The following PRPF40B variants were observed in gnomAD, a reference collection of about 807,000 sequenced individuals.
PRPF40B encodes pre-mRNA-processing factor 40 homolog B.
Under a neutral mutation model 124.5 loss-of-function variants are expected in PRPF40B, and 56 were observed. The observed-to-expected ratio is 0.45, with a 90% CI of 0.36 to 0.56. The LOEUF (loss-of-function observed/expected upper bound fraction) is 0.56, where lower values mean the gene tolerates loss of function less well. Among genes scored for constraint, PRPF40B ranks in the 20% least tolerant of loss-of-function variants. The pLI is 0.00. For synonymous variants in PRPF40B, 443 were observed against 426.4 expected (o/e 1.04, Z -0.48); for missense variants, 1,053 against 1,169.5 (o/e 0.90, Z 1.45).
intron 18 of PRPF40B, chr12:49,641,548 A>G (rs1467294159): frequency 7.4e-6 from 2 of 271,188 alleles, no homozygotes; most frequent in East Asian, 8.4e-5. Context: ...GGTAGGGGCC[A>G]GCAAATGTTG....
chr12:49,633,726 C>T (rs1941470580), intron 9 of PRPF40B, 65 bp downstream of exon 9: 10 of 1,611,266 alleles, frequency 6.2e-6, no homozygotes, highest in South Asian at 3.3e-5. Flanking sequence ...TAGACTCTGT[C>T]GCCATGATCT....
intron 1 of PRPF40B, 158 bp downstream of exon 1, chr12:49,623,751 G>C (rs1318919991): frequency 8.4e-7 from 1 of 1,193,722 alleles, no homozygotes; most frequent in Non-Finnish European, 1.0e-6. Context: ...CCCGGGAGGG[G>C]GGATGGGGGC....
chr12:49,623,908 C>T (rs1370032292), intron 1 of PRPF40B: 1 of 1,157,264 alleles, frequency 8.6e-7, no homozygotes, highest in East Asian at 4.0e-5. Context: ...AGAGAGAGGG[C>T]GGAGATGAGG....
intron 12 of PRPF40B, 37 bp downstream of exon 12, chr12:49,634,639 A>G (rs776999790): frequency 1.2e-5 from 19 of 1,613,158 alleles, no homozygotes; most frequent in Non-Finnish European, 1.5e-5. Flanking sequence ...CCTGTTCATG[A>G]GAGCAGCTGT....
At chr12:49,636,329 G>T (rs1364777329) in intron 15 of PRPF40B, among the ~76,000 whole-genome samples, 1 of 152,114 alleles carries the variant, frequency 6.6e-6, no homozygotes, top group African/African-American at 2.4e-5. Flanking sequence ...GCCTTAATTG[G>T]TCACGTTACA....
Position 49,631,435 on chromosome 12 carries a change from C to A in PRPF40B, c.119C>A (p.Pro40Gln). 7.1e-7 allele frequency: 1 copy of A among 1,410,382 alleles called. No homozygotes were observed. The highest frequency in any genetic ancestry group is 9.4e-7 in the Non-Finnish European group (1 of 1,061,810). The allele number at this position is 1,410,382 out of a possible 1,614,324, so 87.4% of individuals were successfully genotyped here. ...CCAGGGATCCCCCCACCCTTTCCTC[C>A]GATGGGGCTACCCCCCATGAGTCAG... ...PPPGIPPPFPPMGLPPMSQRP... is the reference protein window; with the variant it reads ...PPPGIPPPFPQMGLPPMSQRP... Residue 40 changes from proline (P) to glutamine (Q), a missense_variant, in exon 3 of 26, where the codon CCG becomes CAG. Around this residue, in one of 2 missense-constraint regions of PRPF40B, gnomAD observed 158 missense variants for 117.3 expected, o/e 1.35. Transcript: ENST00000548825. This position sits in a 1 kb window ranked among gnomAD's most constrained non-coding sequence, Gnocchi z 4.3.
In PRPF40B at chr12:49,633,111, A is replaced by C; in HGVS notation, c.446A>C (p.Lys149Thr). 1 of 1,596,070 alleles carries C rather than the reference A, an allele frequency of 6.3e-7. No homozygotes were observed. Among genetic ancestry groups the C allele is most frequent in the Non-Finnish European group, 8.5e-7 (1 of 1,172,180 alleles). Residue 149 changes from lysine to threonine, a missense_variant, in exon 7 of 26, where the codon AAG (lysine) becomes ACG (threonine). By Grantham distance (78) the Lys-to-Thr change is moderately conservative. Coordinates refer to ENST00000548825, the MANE Select transcript of PRPF40B (RefSeq NM_001031698.3). ...QSVWEKPSVL[K>T]SKAELLLSQC... Reference sequence around the variant, plus strand: ...GTGTGGGAGAAGCCCAGCGTGCTCAAGTCCAAGGCAGAGGTCCTGAGCTGG... The same window carrying C: ...GTGTGGGAGAAGCCCAGCGTGCTCACGTCCAAGGCAGAGGTCCTGAGCTGG...
Position 49,643,381 on chromosome 12 carries a change from C to A in PRPF40B, c.2364C>A (p.Ser788=). 6.4e-7 allele frequency: 1 copy of A among 1,566,966 alleles called. No homozygotes were observed. The highest frequency in any genetic ancestry group is 8.6e-7 in the Non-Finnish European group (1 of 1,158,068). The stretch of plus-strand genomic sequence containing the variant: ...TTGGAGGACGGGGCTCCCCTTCCTC[C>A]CATCTTCTTGGAGCAGGTAAGCAGT... ...AALGGRGSPS[S]HLLGADHGLR... The change falls in exon 23 of 26, where the codon TCC becomes TCA. Residue 788 remains serine (S), a synonymous_variant. Transcript: ENST00000548825.
Position 49,643,369 on chromosome 12 carries a change from C to A in PRPF40B, c.2352C>A (p.Gly784=). The change falls in exon 23 of 26, where the codon GGC becomes GGA. Residue 784 remains glycine (G), a synonymous_variant. Transcript: ENST00000548825. Reference sequence around the variant, plus strand: ...GGGGTGCTGCCCTTGGAGGACGGGGCTCCCCTTCCTCCCATCTTCTTGGAG... The same window carrying A: ...GGGGTGCTGCCCTTGGAGGACGGGGATCCCCTTCCTCCCATCTTCTTGGAG... The part of the protein sequence containing the change: ...ESGGAALGGR[G]SPSSHLLGAD... 6.4e-7 allele frequency: 1 copy of A among 1,572,170 alleles called. No individual in the cohort carries two copies. Among genetic ancestry groups the A allele is most frequent in the Non-Finnish European group, 8.6e-7 (1 of 1,160,932 alleles).
chr12:49,625,893 C>G (rs193094566), intron 1 of PRPF40B, among the ~76,000 whole-genome samples: 2 of 152,260 alleles, frequency 1.3e-5, no homozygotes, highest in Non-Finnish European at 2.9e-5. Context: ...GGACACAACA[C>G]GGGAAGCTCA....
At chr12:49,636,455 A>G (rs540247711) in intron 15 of PRPF40B, 92 of 486,542 alleles carry the variant, frequency 1.9e-4, no homozygotes, top group Middle Eastern at 1.6e-3. Context: ...TCCCAAGACA[A>G]CCGGTTTCAT....
rs769388057 is a variant in PRPF40B, at chr12:49,635,495, C to T, written c.1275+22C>T. The T allele has an allele frequency of 1.3e-6, 2 of 1,588,230 alleles. No individual in the cohort carries two copies. The highest frequency in any genetic ancestry group is 2.7e-5 in the African/African-American group (2 of 74,062). On this transcript the variant is annotated intron_variant, in intron 14 of 25. Transcript: ENST00000548825. This position sits in a 1 kb window ranked among gnomAD's most constrained non-coding sequence, Gnocchi z 4.1. The stretch of plus-strand genomic sequence containing the variant: ...GAAGGTAATGGTCCCTGGGCAGAAT[C>T]CTTCAGCCCATCTCATCCTGGACTT...
At chr12:49,643,142 C>A in intron 22 of PRPF40B, 81 bp from the exon 23 acceptor site, 1 of 1,592,096 alleles carries the variant, frequency 6.3e-7, no homozygotes, top group South Asian at 1.1e-5. Context: ...CCTGGGTCCT[C>A]CTCCTCTCTC....
At chr12:49,634,495 TG>T (rs778180348) in intron 11 of PRPF40B, 40 bp downstream of exon 11, 3 of 1,614,142 alleles carry the variant, frequency 1.9e-6, no homozygotes, top group Non-Finnish European at 2.5e-6. Context: ...TGGAGGGGGC[TG>T]GAGCGGGGCA....
chr12:49,635,000 C>T (rs1941618057), intron 12 of PRPF40B, 99 bp from the exon 13 acceptor site: 7 of 1,270,964 alleles, frequency 5.5e-6, no homozygotes, highest in Non-Finnish European at 6.5e-6. Flanking sequence ...CCCTTGGAGC[C>T]CCTGCAGCCT....
chr12:49,641,939 C>T lies in PRPF40B; in HGVS notation c.1799C>T (p.Ala600Val). 1 of 1,613,768 alleles carries T rather than the reference C, an allele frequency of 6.2e-7. No homozygotes were observed. Among genetic ancestry groups the T allele is most frequent in the Middle Eastern group, 1.7e-4 (1 of 5,856 alleles). The change falls in exon 19 of 26, where the codon GCC (alanine) becomes GTC (valine). Residue 600 changes from alanine to valine, a missense_variant. Ala to Val is a moderately conservative substitution (Grantham distance 64). Around this residue, in one of 2 missense-constraint regions of PRPF40B, gnomAD observed 895 missense variants for 1,052.2 expected, o/e 0.85. Coordinates refer to ENST00000548825, the MANE Select transcript of PRPF40B (RefSeq NM_001031698.3). ...DRGFCVEVNT[A>V]FEDFAHVISF... is the part of the protein sequence containing the mutation. ...GGCTTCTGCGTGGAGGTGAACACGG[C>T]CTTTGAGGACTTCGCCCACGTCATA...
chr12:49,641,880 C>T, intron 18 of PRPF40B, 28 bp from the exon 19 acceptor site: 2 of 1,602,250 alleles, frequency 1.2e-6, no homozygotes, highest in Non-Finnish European at 1.7e-6. Context: ...ACGTGGTGCC[C>T]CTGCTTCATG....
At chr12:49,632,716 C>A (rs1941344965) in intron 5 of PRPF40B, 93 bp downstream of exon 5, 10 of 1,594,564 alleles carry the variant, frequency 6.3e-6, no homozygotes, top group African/African-American at 1.3e-5. Context: ...CTGGATCATG[C>A]CTGTTGGGAT....
In PRPF40B at chr12:49,631,525, C is replaced by T. The variant is rs149751647; in HGVS notation, c.209C>T (p.Ala70Val). 17 of 1,549,490 alleles carry T rather than the reference C, an allele frequency of 1.1e-5. No homozygotes were observed. The highest frequency in any genetic ancestry group is 4.5e-5 in the Admixed American group (2 of 44,574). ...ILPPMLPPMG[A>V]PPPLTQIPGM... The stretch of plus-strand genomic sequence containing the variant: ...CCCCCAATGCTTCCACCAATGGGGG[C>T]GCCACCACCACTCACACAGGTAATT... The change falls in exon 3 of 26, where the codon GCG becomes GTG. Residue 70 changes from alanine to valine, a missense_variant. Coordinates refer to ENST00000548825, the MANE Select transcript of PRPF40B (RefSeq NM_001031698.3). The surrounding 1 kb of genome is among the most constrained non-coding windows in gnomAD (Gnocchi z 4.3).
Sources: allele counts gnomAD v4.1 joint callset (sites outside exome capture counted in the v4.1 genomes callset), GRCh38; gene constraint gnomAD v4.1.1; regional missense constraint gnomAD v4.1.1; non-coding constraint Gnocchi (gnomAD v3.1); transcripts MANE v1.5; gene names NCBI Gene and HGNC (gene_info 2026-07-23, HGNC 2026-07-21).